Variants in PIGU observed in about 807,000 individuals in gnomAD.
PIGU encodes phosphatidylinositol glycan anchor biosynthesis class U, also known as GPI-anchor transamidase component PIGU.
PIGU carries 24 observed loss-of-function variants against 49.9 expected under a neutral mutation model. The observed-to-expected ratio is 0.48, with a 90% CI of 0.35 to 0.68. The LOEUF is 0.68. PIGU is among the 30% of genes least tolerant of loss of function. The probability of loss-of-function intolerance (pLI) is 0.01; values close to 1 mark genes in which losing one functional copy is unlikely to be tolerated. For missense variants in PIGU, 490 were observed against 532.6 expected (o/e 0.92, Z 0.79); for synonymous variants, 220 against 205.7 (o/e 1.07, Z -0.59).
At chr20:34,576,720 C>T (rs1432801740) in intron 10 of PIGU, among the ~76,000 whole-genome samples, 1 of 152,108 alleles carries the variant, frequency 6.6e-6, no homozygotes, top group Non-Finnish European at 1.5e-5. Context: ...TTCCTGGGCT[C>T]CAGGGATCCT....
At chr20:34,593,948 A>T (rs1984094532) in intron 7 of PIGU, among the ~76,000 whole-genome samples, 1 of 152,270 alleles carries the variant, frequency 6.6e-6, no homozygotes, top group East Asian at 1.9e-4. Context: ...AGGCTGAGGC[A>T]GGTGGATCAC....
intron 1 of PIGU, among the ~76,000 whole-genome samples, chr20:34,662,765 G>A (rs184627854): frequency 1.1e-4 from 17 of 152,244 alleles, no homozygotes; most frequent in African/African-American, 4.1e-4. Flanking sequence ...AATGAGAAAT[G>A]CCTGGAAAAA....
intron 4 of PIGU, among the ~76,000 whole-genome samples, chr20:34,639,356 A>G (rs1986075645): frequency 1.3e-5 from 2 of 152,086 alleles, no homozygotes; most frequent in Admixed American, 1.3e-4. Flanking sequence ...AGCCGAGATT[A>G]TACCACCGCA....
chr20:34,636,860 T>C (rs1985984163), intron 5 of PIGU, among the ~76,000 whole-genome samples: 1 of 152,212 alleles, frequency 6.6e-6, no homozygotes, highest in Non-Finnish European at 1.5e-5. Flanking sequence ...TGGCGGTTTT[T>C]TTCAGCAATT....
At chr20:34,653,288 G>A (rs1986599747) in intron 2 of PIGU, among the ~76,000 whole-genome samples, 1 of 152,122 alleles carries the variant, frequency 6.6e-6, no homozygotes. Flanking sequence ...TGTTATTCAA[G>A]TCTTTTATAT....
intron 1 of PIGU, among the ~76,000 whole-genome samples, chr20:34,675,308 G>C (rs1176043844): frequency 6.7e-6 from 1 of 149,424 alleles, no homozygotes; most frequent in Admixed American, 6.7e-5. Flanking sequence ...GATATAAACA[G>C]GTAATTATGA....
intron 7 of PIGU, among the ~76,000 whole-genome samples, chr20:34,592,553 A>T (rs547438184): frequency 1.1e-4 from 17 of 152,122 alleles, no homozygotes; most frequent in South Asian, 2.1e-4. Flanking sequence ...AATGTATTTT[A>T]AAAAAGGTGA....
At chr20:34,662,024 C>A (rs1203999413) in intron 1 of PIGU, among the ~76,000 whole-genome samples, 1 of 152,010 alleles carries the variant, frequency 6.6e-6, no homozygotes, top group Non-Finnish European at 1.5e-5. Context: ...TGCTTGTTGG[C>A]CACATGCATG....
chr20:34,580,658 A>T (rs905361410), intron 10 of PIGU, among the ~76,000 whole-genome samples: 1 of 152,164 alleles, frequency 6.6e-6, no homozygotes, highest in African/African-American at 2.4e-5. Flanking sequence ...CTGCCTCTTT[A>T]TTGGGGAGGT....
intron 7 of PIGU, among the ~76,000 whole-genome samples, chr20:34,589,674 T>G (rs1420113569): frequency 1.3e-4 from 9 of 67,452 alleles, no homozygotes; most frequent in Admixed American, 3.8e-4. Context: ...TTTTTTTTTT[T>G]GAAACAGAGT....
At chr20:34,659,330 G>A (rs1321668302) in intron 1 of PIGU, among the ~76,000 whole-genome samples, 1 of 141,290 alleles carries the variant, frequency 7.1e-6, no homozygotes, top group African/African-American at 2.7e-5. Flanking sequence ...CCGGCCAGCC[G>A]CCCCGTCCGG....
chr20:34,566,931 A>G (rs147846549), intron 11 of PIGU, among the ~76,000 whole-genome samples: 1 of 152,292 alleles, frequency 6.6e-6, no homozygotes, highest in East Asian at 1.9e-4. Context: ...TTTTTTTGTA[A>G]AAAGCCAGTA....
chr20:34,668,615 A>G (rs1275697017), intron 1 of PIGU, among the ~76,000 whole-genome samples: 1 of 148,840 alleles, frequency 6.7e-6, no homozygotes, highest in Non-Finnish European at 1.5e-5. Flanking sequence ...TAAAAATATA[A>G]GAAATTAGCC....
intron 4 of PIGU, among the ~76,000 whole-genome samples, chr20:34,638,646 A>C (rs1986046009): frequency 2.6e-5 from 4 of 152,186 alleles, no homozygotes; most frequent in Admixed American, 2.6e-4. Flanking sequence ...CCCAAATGTC[A>C]CAGGATCTTG....
rs1233287097 is a variant in PIGU, at chr20:34,655,124, T to C, written c.195+2056A>G. On this transcript the variant is annotated intron_variant, in intron 2 of 11. Coordinates refer to ENST00000217446, the MANE Select transcript of PIGU (RefSeq NM_080476.5). ...GAGTTCAAGACCAGCCTGGGCAACA[T>C]AGCAAGACCCCATCTCTACAAAGAA... is the stretch of plus-strand genomic sequence containing the variant. 1.7e-5 allele frequency among the ~76,000 whole-genome samples: 2 copies of C among 115,972 alleles called. 1 individual carries two copies. The highest frequency in any genetic ancestry group is 3.6e-5 in the Non-Finnish European group (2 of 55,230). The allele number at this position is 115,972 out of a possible 152,430, so 76.1% of individuals were successfully genotyped here.
intron 6 of PIGU, among the ~76,000 whole-genome samples, chr20:34,616,880 G>A (rs147485024): frequency 6.6e-5 from 10 of 152,256 alleles, no homozygotes; most frequent in African/African-American, 2.2e-4. Context: ...TCGAGAGGCC[G>A]AGTCAGGCAG....
chr20:34,618,058 C>T (rs756842387), intron 6 of PIGU, among the ~76,000 whole-genome samples: 1 of 152,016 alleles, frequency 6.6e-6, no homozygotes, highest in Non-Finnish European at 1.5e-5. Flanking sequence ...TCAATTAAAC[C>T]TCTTTCTTTC....
At chr20:34,595,496 A>G (rs959618560) in intron 7 of PIGU, among the ~76,000 whole-genome samples, 2 of 152,208 alleles carry the variant, frequency 1.3e-5, no homozygotes, top group African/African-American at 4.8e-5. Flanking sequence ...TCCTGGAACC[A>G]ATCCACCACA....
intron 6 of PIGU, among the ~76,000 whole-genome samples, chr20:34,629,300 G>C (rs774988540): frequency 2.6e-5 from 4 of 152,114 alleles, no homozygotes; most frequent in Non-Finnish European, 4.4e-5. Flanking sequence ...GGGATTACAG[G>C]CGTGAGCCAC....
Sources: gnomAD v4.1 joint callset for allele counts (sites outside exome capture counted in the v4.1 genomes callset) on GRCh38, gnomAD v4.1.1 for gene constraint, MANE v1.5 for transcripts, NCBI Gene and HGNC (gene_info 2026-07-23, HGNC 2026-07-21) for gene names.